FAM53A: variants seen among roughly 807,000 people sequenced by gnomAD.
The protein encoded by FAM53A is protein FAM53A.
FAM53A carries 28 observed loss-of-function variants against 26.6 expected under a neutral mutation model. The ratio of observed to expected loss-of-function variants is 1.05; its 90% CI spans 0.78 to 1.45. The LOEUF is 1.45. Ranked by LOEUF, FAM53A falls within the 40% of genes most tolerant of loss-of-function variation. FAM53A has a pLI of 0.00. For synonymous variants in FAM53A, 290 were observed against 253.1 expected (o/e 1.15, Z -1.38); for missense variants, 650 against 575.8 (o/e 1.13, Z -1.32).
chr4:1,671,425 C>T (rs1386436344), intron 1 of FAM53A, among the ~76,000 whole-genome samples: 5 of 38,750 alleles, frequency 1.3e-4, no homozygotes, highest in African/African-American at 4.0e-4. Context: ...TCTGTCCCAG[C>T]GTCAGAGCCA....
At chr4:1,611,162 G>A in the FAM53A span, among the ~76,000 whole-genome samples, 1 of 152,222 alleles carries the variant, frequency 6.6e-6, no homozygotes, top group Admixed American at 6.5e-5. Flanking sequence ...CAGGAAGCAG[G>A]GGCGCAGTGG....
chr4:1,594,096 C>G, the FAM53A span, among the ~76,000 whole-genome samples: 1 of 151,962 alleles, frequency 6.6e-6, no homozygotes, highest in Non-Finnish European at 1.5e-5. Context: ...CCAGGTCCCC[C>G]CAGGCTGCCA....
intron 4 of FAM53A, among the ~76,000 whole-genome samples, chr4:1,652,154 TCA>T (rs374084814): frequency 1.1e-4 from 6 of 54,822 alleles, no homozygotes; most frequent in Admixed American, 2.1e-4. Flanking sequence ...ACACCACACG[TCA>T]CACACACACC....
At chr4:1,619,682 G>A (rs976511039) in intron 1 of FAM53A, among the ~76,000 whole-genome samples, 6 of 151,928 alleles carry the variant, frequency 3.9e-5, no homozygotes, top group African/African-American at 1.5e-4. Flanking sequence ...CCGGCCTTGC[G>A]CTTTGTCTTT....
At chr4:1,617,017 G>C (rs1714834991), downstream of FAM53A, among the ~76,000 whole-genome samples, 1 of 151,336 alleles carries the variant, frequency 6.6e-6, no homozygotes, top group East Asian at 1.9e-4. Flanking sequence ...CGTGTCTGTT[G>C]TCCCAACTAC....
intron 1 of FAM53A, among the ~76,000 whole-genome samples, chr4:1,624,238 T>C (rs1486988831): frequency 6.6e-6 from 1 of 152,176 alleles, no homozygotes; most frequent in Admixed American, 6.5e-5. Context: ...AGTGGCCATG[T>C]CCACTGCCCA....
chr4:1,588,692 C>T, the FAM53A span, among the ~76,000 whole-genome samples: 2 of 152,248 alleles, frequency 1.3e-5, no homozygotes, highest in African/African-American at 4.8e-5. Context: ...TCAATCTCAG[C>T]TTCCTGAGAG....
chr4:1,626,354 G>A (rs1715303624), intron 1 of FAM53A, among the ~76,000 whole-genome samples: 4 of 152,232 alleles, frequency 2.6e-5, no homozygotes, highest in African/African-American at 4.8e-5. Flanking sequence ...AGCTGACCCA[G>A]ACAGCAGAGC....
At chr4:1,676,783 C>T (rs1303350257) in intron 1 of FAM53A, among the ~76,000 whole-genome samples, 1 of 152,200 alleles carries the variant, frequency 6.6e-6, no homozygotes, top group Non-Finnish European at 1.5e-5. Context: ...CCACCCCACA[C>T]CTCCCAATAC....
chr4:1,644,588 C>A, intron 4 of FAM53A: 1 of 461,584 alleles, frequency 2.2e-6, no homozygotes, highest in South Asian at 4.2e-5. Flanking sequence ...GCGCCAGCCC[C>A]GGGGCTCCGT....
At chr4:1,617,276 G>A (rs1714845291), downstream of FAM53A, among the ~76,000 whole-genome samples, 1 of 152,230 alleles carries the variant, frequency 6.6e-6, no homozygotes, top group African/African-American at 2.4e-5. Flanking sequence ...TTGGGATCAT[G>A]TGTTGAGTTA....
At chr4:1,606,506 C>G in the FAM53A span, among the ~76,000 whole-genome samples, 31 of 152,216 alleles carry the variant, frequency 2.0e-4, 1 homozygote, top group African/African-American at 7.2e-4. Flanking sequence ...TGCAGAGGAC[C>G]GAGGCAGACC....
chr4:1,597,140 C>T, the FAM53A span, among the ~76,000 whole-genome samples: 1 of 152,144 alleles, frequency 6.6e-6, no homozygotes, highest in Admixed American at 6.5e-5. Context: ...GCCTGGGCTC[C>T]CCAGACACCA....
At chr4:1,649,065 A>G (rs1712497001) in intron 4 of FAM53A, among the ~76,000 whole-genome samples, 2 of 151,840 alleles carry the variant, frequency 1.3e-5, no homozygotes, top group South Asian at 4.2e-4. Context: ...CTGAGCTGAG[A>G]TCATGCCACT....
intron 3 of FAM53A, among the ~76,000 whole-genome samples, chr4:1,656,654 G>A (rs73798408): frequency 0.086 from 13,140 of 152,128 alleles, 1,650 homozygotes; most frequent in African/African-American, 0.27. Flanking sequence ...TGAGGACATC[G>A]CACCACAGGC....
At chr4:1,598,846 G>A in the FAM53A span, among the ~76,000 whole-genome samples, 1 of 152,370 alleles carries the variant, frequency 6.6e-6, no homozygotes, top group East Asian at 1.9e-4. Flanking sequence ...CAGCCTTCAC[G>A]TGGCACAGCC....
downstream of FAM53A, among the ~76,000 whole-genome samples, chr4:1,636,294 G>A (rs1003818415): frequency 5.9e-5 from 9 of 152,190 alleles, no homozygotes; most frequent in Non-Finnish European, 1.0e-4. Flanking sequence ...TCAAGCCCAG[G>A]AGCCAGCACC....
At chr4:1,610,846 C>T in the FAM53A span, among the ~76,000 whole-genome samples, 2 of 152,194 alleles carry the variant, frequency 1.3e-5, no homozygotes, top group African/African-American at 4.8e-5. Flanking sequence ...AAAACACTGG[C>T]CCCTGCCCCC....
intron 2 of FAM53A, among the ~76,000 whole-genome samples, chr4:1,663,414 A>G (rs1348306831): frequency 1.3e-5 from 2 of 152,198 alleles, no homozygotes; most frequent in Non-Finnish European, 2.9e-5. Flanking sequence ...CTCACACATG[A>G]ATGTTCACAG....
Sources: allele counts gnomAD v4.1 joint callset (sites outside exome capture counted in the v4.1 genomes callset), GRCh38; gene constraint gnomAD v4.1.1; transcripts MANE v1.5; gene names NCBI Gene and HGNC (gene_info 2026-07-23, HGNC 2026-07-21).